TNFSF8: variants seen among roughly 807,000 people sequenced by gnomAD.
TNFSF8 encodes the protein TNF superfamily member 8.
In TNFSF8, 4 loss-of-function variants were observed where a neutral mutation model predicts 22.0. The observed-to-expected ratio is 0.18, with a 90% confidence interval of 0.09 to 0.42. TNFSF8 has a LOEUF of 0.42. Among genes scored for constraint, TNFSF8 ranks in the 10% least tolerant of loss-of-function variants. The pLI, the probability that TNFSF8 is intolerant of heterozygous loss-of-function variation, is 1.00. For missense variants in TNFSF8, 233 were observed against 281.8 expected, an observed-to-expected ratio of 0.83 and a Z score of 1.24; for synonymous variants, 106 against 112.5, an observed-to-expected ratio of 0.94 and a Z score of 0.37.
At chr9:114,917,104 A>T (rs1587937159) in intron 2 of TNFSF8, among the ~76,000 whole-genome samples, 1 of 152,202 alleles carries the variant, frequency 6.6e-6, no homozygotes, top group Admixed American at 6.5e-5. Context: ...GGGAAACTTG[A>T]AGGACACTCC....
At chr9:114,898,668 G>T (rs192443049), downstream of TNFSF8, among the ~76,000 whole-genome samples, 7 of 152,326 alleles carry the variant, frequency 4.6e-5, no homozygotes, top group East Asian at 1.4e-3. Flanking sequence ...GGTGAGGTCA[G>T]TTTGTACATG....
At chr9:114,914,368 G>A (rs1169956521) in intron 2 of TNFSF8, among the ~76,000 whole-genome samples, 1 of 152,206 alleles carries the variant, frequency 6.6e-6, no homozygotes, top group African/African-American at 2.4e-5. Flanking sequence ...ATTCATAAAT[G>A]TGGGTTACTA....
chr9:114,921,127 C>A (rs1827983050), intron 1 of TNFSF8, among the ~76,000 whole-genome samples: 1 of 152,178 alleles, frequency 6.6e-6, no homozygotes, highest in Non-Finnish European at 1.5e-5. Context: ...TGAATGCATT[C>A]TGGTTTCCTA....
chr9:114,918,059 A>T (rs759095938), intron 2 of TNFSF8, 37 bp downstream of exon 2: 1 of 1,573,164 alleles, frequency 6.4e-7, no homozygotes, highest in Non-Finnish European at 8.6e-7. Context: ...TATCTAGATG[A>T]CTTACTACAC....
intron 1 of TNFSF8, among the ~76,000 whole-genome samples, chr9:114,927,057 T>A (rs183650971): frequency 1.4e-5 from 2 of 141,308 alleles, no homozygotes; most frequent in Admixed American, 7.0e-5. Context: ...ATATTTATAA[T>A]ATAAAATGTT....
chr9:114,909,820 G>T (rs34520762), intron 2 of TNFSF8, among the ~76,000 whole-genome samples: 1 of 152,214 alleles, frequency 6.6e-6, no homozygotes, highest in African/African-American at 2.4e-5. Context: ...TTAGCTCTGA[G>T]GACAATCTAA....
chr9:114,929,157 T>C (rs1828103329), intron 1 of TNFSF8, among the ~76,000 whole-genome samples: 1 of 152,152 alleles, frequency 6.6e-6, no homozygotes, highest in Admixed American at 6.5e-5. Flanking sequence ...TAAACACCAA[T>C]TTTCTAAAAT....
Position 114,930,267 on chromosome 9 carries a change from C to A in TNFSF8, c.37G>T (p.Ala13Ser). 1 of 1,599,280 alleles carries A rather than the reference C, an allele frequency of 6.3e-7. No homozygotes were observed. Among genetic ancestry groups the A allele is most frequent in the Non-Finnish European group, 8.5e-7 (1 of 1,173,110 alleles). ...PGLQQALNGM[A>S]PPGDTAMHVP... ...TGCATGGCTGTGTCTCCAGGAGGGG[C>A]CATTCCGTTGAGTGCTTGCTGCAGC... The change falls in exon 1 of 4, where the codon GCC becomes TCC. Residue 13 changes from alanine to serine, a missense_variant. Transcript: ENST00000223795.
chr9:114,928,004 G>T (rs541067021), intron 1 of TNFSF8, among the ~76,000 whole-genome samples: 1 of 151,976 alleles, frequency 6.6e-6, no homozygotes, highest in East Asian at 1.9e-4. Flanking sequence ...AACAGTTAAG[G>T]TCTGAGGAAT....
intron 1 of TNFSF8, among the ~76,000 whole-genome samples, chr9:114,923,526 T>TTTCTTTCTTTCTTTC: frequency 4.1e-4 from 9 of 22,028 alleles, no homozygotes; most frequent in Non-Finnish European, 6.8e-4. Context: ...TTCTTTCTTT[T>TTTCTTTCTTTCTTTC]TTTTTTTTTG....
intron 2 of TNFSF8, among the ~76,000 whole-genome samples, chr9:114,909,056 C>T (rs1035902573): frequency 6.6e-6 from 1 of 152,194 alleles, no homozygotes; most frequent in African/African-American, 2.4e-5. Context: ...ACCTATGTCA[C>T]ACTGTGAGTC....
At position 114,903,350 on chromosome 9, in the gene TNFSF8, C is replaced by T. The variant is rs1432850326; in HGVS notation, c.*581G>A. 1 of 152,354 alleles carries T rather than the reference C, an allele frequency of 6.6e-6. No homozygotes were observed. The highest frequency in any genetic ancestry group is 1.5e-5 in the Non-Finnish European group (1 of 68,176). 9.4% of individuals were successfully genotyped at this position (152,354 alleles called of 1,614,324 possible). Reference sequence around the variant, plus strand: ...GTCATATGGAGTACAAGATCAGCCTCCTAGTGCCAGAGTGACAGTCAGACA... The same window carrying T: ...GTCATATGGAGTACAAGATCAGCCTTCTAGTGCCAGAGTGACAGTCAGACA... On this transcript the variant is annotated 3_prime_UTR_variant, in exon 4 of 4. Transcript: ENST00000223795.
chr9:114,930,387 C>T lies in TNFSF8; in HGVS notation c.-84G>A. 1.7e-6 allele frequency: 2 copies of T among 1,154,700 alleles called. No individual in the cohort carries two copies. Among genetic ancestry groups the T allele is most frequent in the Admixed American group, 3.2e-5 (1 of 31,670 alleles). 71.5% of individuals were successfully genotyped at this position (1,154,700 alleles called of 1,614,324 possible). On this transcript the variant is annotated 5_prime_UTR_variant, in exon 1 of 4. Coordinates refer to ENST00000223795, the MANE Select transcript of TNFSF8 (RefSeq NM_001244.4). ...GCCCATCTCTGTTCCAAGAAGGATT[C>T]TCCCCCTGAATCCTGAATCATGTGA...
chr9:114,907,612 C>T (rs2131342528), intron 2 of TNFSF8, among the ~76,000 whole-genome samples: 1 of 152,274 alleles, frequency 6.6e-6, no homozygotes, highest in Non-Finnish European at 1.5e-5. Flanking sequence ...GTTCTGACTC[C>T]TACTGAACTC....
chr9:114,902,718 T>C lies in TNFSF8; in HGVS notation c.*1213A>G, dbSNP rs1827732486. ...TATTTTGGTTGGAGAGCTTCCAAAA[T>C]TGTGTCTGGAATCTCAGTTCCCAGG... On this transcript the variant is annotated 3_prime_UTR_variant, in exon 4 of 4. Coordinates refer to ENST00000223795, the MANE Select transcript of TNFSF8 (RefSeq NM_001244.4). 2.0e-6 allele frequency: 2 copies of C among 985,290 alleles called. No homozygotes were observed. Among genetic ancestry groups the C allele is most frequent in the Admixed American group, 1.2e-4 (2 of 16,256 alleles). The allele number at this position is 985,290 out of a possible 1,614,324, so 61.0% of individuals were successfully genotyped here. A position where few individuals can be genotyped will look rare whatever the true frequency, so the allele number is the denominator to read the frequency against.
chr9:114,914,542 T>A (rs993387157), intron 2 of TNFSF8, among the ~76,000 whole-genome samples: 1 of 152,212 alleles, frequency 6.6e-6, no homozygotes, highest in African/African-American at 2.4e-5. Context: ...AACATTCTCC[T>A]TGGTTCCGTG....
At chr9:114,894,749 G>A (rs781445704) in intron 4 of TNFSF8, among the ~76,000 whole-genome samples, 2 of 152,156 alleles carry the variant, frequency 1.3e-5, no homozygotes, top group East Asian at 1.9e-4. Flanking sequence ...ATCTATTTAC[G>A]TAACATAAAG....
rs1481867310 is a variant in TNFSF8 at position 114,902,462 on chromosome 9, T to A, written c.*1469A>T. ...ATGCCTGCTGCTCAATTATTGTCAATCTAACTGGAATAGAGTCAGGCCTCG... is the reference window on the plus strand; with the variant it reads ...ATGCCTGCTGCTCAATTATTGTCAAACTAACTGGAATAGAGTCAGGCCTCG... On this transcript the variant is annotated 3_prime_UTR_variant, in exon 4 of 4. Transcript: ENST00000223795. 1.0e-6 allele frequency: 1 copy of A among 985,428 alleles called. No homozygotes were observed. 61.0% of individuals were successfully genotyped at this position (985,428 alleles called of 1,614,324 possible).
chr9:114,902,561 T>A lies in TNFSF8; in HGVS notation c.*1370A>T. On this transcript the variant is annotated 3_prime_UTR_variant, in exon 4 of 4. Coordinates refer to ENST00000223795, the MANE Select transcript of TNFSF8 (RefSeq NM_001244.4). ...CAGTGTGGTAGTTCTTTCCATTACATCCTTGAGATCCTGCTGTTCACACCA... is the reference window on the plus strand; with the variant it reads ...CAGTGTGGTAGTTCTTTCCATTACAACCTTGAGATCCTGCTGTTCACACCA... 1 of 985,452 alleles carries A rather than the reference T, an allele frequency of 1.0e-6. No individual in the cohort carries two copies. The highest frequency in any genetic ancestry group is 1.7e-5 in the African/African-American group (1 of 57,356). 61.0% of individuals were successfully genotyped at this position (985,452 alleles called of 1,614,324 possible). A position where few individuals can be genotyped will look rare whatever the true frequency, so the allele number is the denominator to read the frequency against.
Sources: gnomAD v4.1 joint callset for allele counts (sites outside exome capture counted in the v4.1 genomes callset) on GRCh38, gnomAD v4.1.1 for gene constraint, MANE v1.5 for transcripts, NCBI Gene and HGNC (gene_info 2026-07-23, HGNC 2026-07-21) for gene names.